PTPRT: variants seen among roughly 807,000 people sequenced by gnomAD.
PTPRT encodes receptor-type tyrosine-protein phosphatase T.
PTPRT carries 56 observed loss-of-function variants against 176.8 expected under a neutral mutation model. The observed-to-expected ratio is 0.32, with a 90% CI of 0.26 to 0.40. The LOEUF (loss-of-function observed/expected upper bound fraction) is 0.40. PTPRT is among the 10% of genes least tolerant of loss of function. PTPRT has a pLI of 1.00. For missense variants in PTPRT, 1,540 were observed against 1,908.2 expected (o/e 0.81, Z 3.60); for synonymous variants, 783 against 739.0 (o/e 1.06, Z -0.96).
At chr20:42,116,112 G>A in intron 21 of PTPRT, 1 of 718,764 alleles carries the variant, frequency 1.4e-6, no homozygotes, top group Admixed American at 2.0e-5. Flanking sequence ...ATAGGTGTTA[G>A]GTAAAAAACA....
chr20:42,115,265 A>T lies in PTPRT; in HGVS notation c.3033T>A (p.Ile1011=), dbSNP rs2146311830. The change falls in exon 22 of 31, where the codon ATT becomes ATA. Residue 1011 remains isoleucine, a synonymous_variant. Transcript: ENST00000373187. ...WPDDTEVYGD[I]KVTLIETEPL... is the part of the protein sequence containing the mutation. ...GCTCTGTTTCAATCAGGGTGACTTTAATGTCTCCGTAGACCTCCGTGTCAT... is the reference window on the plus strand; with the variant it reads ...GCTCTGTTTCAATCAGGGTGACTTTTATGTCTCCGTAGACCTCCGTGTCAT... 3 of 1,614,126 alleles carry T rather than the reference A, an allele frequency of 1.9e-6. No homozygotes were observed. Among genetic ancestry groups the T allele is most frequent in the Non-Finnish European group, 2.5e-6 (3 of 1,179,998 alleles).
At chr20:42,860,175 G>A (rs1413022878) in intron 2 of PTPRT, among the ~76,000 whole-genome samples, 1 of 152,084 alleles carries the variant, frequency 6.6e-6, no homozygotes, top group Non-Finnish European at 1.5e-5. Context: ...TTAGAAATGT[G>A]AAGTTTGTCT....
intron 12 of PTPRT, among the ~76,000 whole-genome samples, chr20:42,291,942 T>C: frequency 6.6e-6 from 1 of 152,208 alleles, no homozygotes; most frequent in African/African-American, 2.4e-5. Context: ...ACATAGAGAA[T>C]AGACTTACGG....
chr20:42,403,438 C>T (rs773855797), intron 9 of PTPRT, among the ~76,000 whole-genome samples: 1 of 152,122 alleles, frequency 6.6e-6, no homozygotes, highest in Non-Finnish European at 1.5e-5. Flanking sequence ...CAGATACCTT[C>T]CTCAAGTGCA....
At chr20:42,280,463 A>C (rs2147048854) in intron 13 of PTPRT, among the ~76,000 whole-genome samples, 1 of 152,218 alleles carries the variant, frequency 6.6e-6, no homozygotes, top group East Asian at 1.9e-4. Flanking sequence ...CAAATTGGAA[A>C]ACCAGAATGC....
At chr20:42,828,048 C>T (rs2078025656) in intron 2 of PTPRT, among the ~76,000 whole-genome samples, 2 of 152,134 alleles carry the variant, frequency 1.3e-5, no homozygotes, top group African/African-American at 4.8e-5. Flanking sequence ...GGGTAACAGG[C>T]AGAGATTGGA....
chr20:42,483,237 C>T (rs572387859), intron 7 of PTPRT, among the ~76,000 whole-genome samples: 77 of 152,264 alleles, frequency 5.1e-4, no homozygotes, highest in African/African-American at 1.8e-3. Flanking sequence ...GTGATCTTGG[C>T]TCACTGCAAC....
intron 2 of PTPRT, among the ~76,000 whole-genome samples, chr20:42,836,626 G>C (rs971609516): frequency 1.3e-5 from 2 of 152,144 alleles, no homozygotes; most frequent in African/African-American, 4.8e-5. Flanking sequence ...AAAACACAAG[G>C]GGATGAGCCG....
At chr20:42,940,428 TA>T (rs1459830750) in intron 1 of PTPRT, among the ~76,000 whole-genome samples, 2 of 151,998 alleles carry the variant, frequency 1.3e-5, no homozygotes, top group Non-Finnish European at 2.9e-5. Flanking sequence ...TCAAGAGAGA[TA>T]AAAACTGATG....
intron 1 of PTPRT, among the ~76,000 whole-genome samples, chr20:42,902,695 G>A (rs2079422009): frequency 6.6e-6 from 1 of 152,156 alleles, no homozygotes. Flanking sequence ...TGCAAAATTG[G>A]AACCTGAGGC....
intron 7 of PTPRT, among the ~76,000 whole-genome samples, chr20:42,659,010 C>T (rs544245480): frequency 1.3e-5 from 2 of 152,222 alleles, no homozygotes; most frequent in African/African-American, 2.4e-5. Context: ...TGTATAATCT[C>T]CATGTGGTGG....
chr20:42,648,799 A>G (rs1411885717), intron 7 of PTPRT, among the ~76,000 whole-genome samples: 1 of 117,894 alleles, frequency 8.5e-6, no homozygotes, highest in African/African-American at 3.7e-5. Context: ...AGGAAAGGGG[A>G]TTTTTTTTTT....
At chr20:42,210,530 G>A (rs1470270617) in intron 15 of PTPRT, among the ~76,000 whole-genome samples, 1 of 152,116 alleles carries the variant, frequency 6.6e-6, no homozygotes, top group Non-Finnish European at 1.5e-5. Flanking sequence ...AATCATGAGT[G>A]AACTCCCATT....
intron 26 of PTPRT, among the ~76,000 whole-genome samples, chr20:42,101,529 G>C (rs1194012503): frequency 6.6e-6 from 1 of 152,172 alleles, no homozygotes; most frequent in African/African-American, 2.4e-5. Flanking sequence ...CCCCTTCCTG[G>C]ACCTGATGAC....
intron 6 of PTPRT, among the ~76,000 whole-genome samples, chr20:42,744,884 C>T (rs2076669500): frequency 1.3e-5 from 2 of 152,204 alleles, no homozygotes; most frequent in Non-Finnish European, 2.9e-5. Flanking sequence ...GAACTATTAT[C>T]ACAGGGCCCT....
chr20:42,830,779 C>T (rs2078071521), intron 2 of PTPRT, among the ~76,000 whole-genome samples: 1 of 152,088 alleles, frequency 6.6e-6, no homozygotes, highest in Non-Finnish European at 1.5e-5. Context: ...ATCAGAAGCA[C>T]AATACCATTC....
chr20:42,801,786 G>A (rs2077534584), intron 2 of PTPRT, among the ~76,000 whole-genome samples: 1 of 152,184 alleles, frequency 6.6e-6, no homozygotes, highest in Admixed American at 6.5e-5. Context: ...GGAACAGAAA[G>A]AATGTTCCAT....
chr20:42,541,719 C>A (rs2072584742), intron 7 of PTPRT, among the ~76,000 whole-genome samples: 1 of 151,218 alleles, frequency 6.6e-6, no homozygotes, highest in Admixed American at 6.6e-5. Flanking sequence ...ACAAGAGAGG[C>A]TACTATTTAT....
intron 1 of PTPRT, among the ~76,000 whole-genome samples, chr20:43,077,195 T>C (rs2011301253): frequency 6.6e-6 from 1 of 152,216 alleles, no homozygotes; most frequent in South Asian, 2.1e-4. Context: ...GTGGCAATCA[T>C]GACACCCAAC....
Sources: gnomAD v4.1 joint callset for allele counts (sites outside exome capture counted in the v4.1 genomes callset) on GRCh38, gnomAD v4.1.1 for gene constraint, MANE v1.5 for transcripts, NCBI Gene and HGNC (gene_info 2026-07-23, HGNC 2026-07-21) for gene names.